The following RAMP1 variants were observed in gnomAD, a reference collection of about 807,000 sequenced individuals.
RAMP1 encodes the protein receptor activity modifying protein 1, also known as receptor activity-modifying protein 1.
In RAMP1, 7 loss-of-function variants were observed where a neutral mutation model predicts 8.2. The observed-to-expected ratio is 0.85, with a 90% CI of 0.49 to 1.60. RAMP1 has a LOEUF of 1.60. RAMP1 is among the 40% of genes most tolerant of loss of function. The pLI is 0.00. For synonymous variants in RAMP1, 92 were observed against 84.7 expected, an observed-to-expected ratio of 1.09 and a Z score of -0.47; for missense variants, 192 against 202.4, an observed-to-expected ratio of 0.95 and a Z score of 0.31.
chr2:237,877,656 G>T lies in RAMP1; in HGVS notation c.191+294G>T, dbSNP rs144630049. On this transcript the variant is annotated intron_variant, in intron 2 of 2. Transcript: ENST00000254661. The surrounding 1 kb of genome is among the most constrained non-coding windows in gnomAD (Gnocchi z 4.4). ...CGGCCTCTCCAAGGGCAGGCGCCTG[G>T]GGAATGACTGAGAGTAGGGTCTCAT... Among the ~76,000 whole-genome samples, 204 of 152,276 alleles carry T rather than the reference G, an allele frequency of 1.3e-3. 1 individual carries two copies. The highest frequency in any genetic ancestry group is 3.3e-3 in the Admixed American group (51 of 15,306).
chr2:237,871,535 T>G (rs2062245107), intron 1 of RAMP1, among the ~76,000 whole-genome samples: 1 of 152,102 alleles, frequency 6.6e-6, no homozygotes, highest in East Asian at 1.9e-4. Flanking sequence ...GAGAGCTAGA[T>G]GTCAGGGAGG....
At chr2:237,887,995 G>T (rs777924143) in intron 2 of RAMP1, among the ~76,000 whole-genome samples, 13 of 150,160 alleles carry the variant, frequency 8.7e-5, no homozygotes, top group Non-Finnish European at 1.8e-4. Context: ...AGACATTCCT[G>T]GGAGAAATAA....
chr2:237,882,059 T>C (rs900715889), intron 2 of RAMP1, among the ~76,000 whole-genome samples: 1 of 152,232 alleles, frequency 6.6e-6, no homozygotes, highest in Admixed American at 6.5e-5. Context: ...TATTCCAGTT[T>C]ATTCTTGTGT....
chr2:237,911,001 TAGTCACAC>T (rs946376790), intron 2 of RAMP1, among the ~76,000 whole-genome samples: 106 of 149,046 alleles, frequency 7.1e-4, no homozygotes, highest in African/African-American at 2.5e-3. Context: ...ACACAGAAAA[TAGTCACAC>T]ACACGGTCAC....
chr2:237,895,729 C>T (rs559765059), intron 2 of RAMP1, among the ~76,000 whole-genome samples: 67 of 220 alleles, frequency 0.3, no homozygotes, highest in East Asian at 0.47. Flanking sequence ...TGCTTTGGGC[C>T]GGCTGGCTGG....
intron 2 of RAMP1, among the ~76,000 whole-genome samples, chr2:237,902,285 A>AGGGATC (rs1247406311): frequency 7.9e-4 from 68 of 86,278 alleles, no homozygotes; most frequent in African/African-American, 2.8e-3. Flanking sequence ...AGGGGTAAGG[A>AGGGATC]GGGATCGGGA....
intron 2 of RAMP1, among the ~76,000 whole-genome samples, chr2:237,886,031 A>G (rs1488912430): frequency 2.6e-5 from 4 of 152,194 alleles, no homozygotes; most frequent in African/African-American, 9.6e-5. Flanking sequence ...TGGCTGTGCC[A>G]GGAAAGACAT....
intron 1 of RAMP1, 68 bp downstream of exon 1, chr2:237,859,795 G>A: frequency 7.7e-6 from 10 of 1,294,074 alleles, no homozygotes; most frequent in East Asian, 3.2e-5. Context: ...TAGGGGAGAG[G>A]AGGGGAGCGG....
intron 1 of RAMP1, chr2:237,874,805 C>A (rs1378026114): frequency 2.9e-6 from 2 of 690,656 alleles, no homozygotes; most frequent in Non-Finnish European, 3.6e-6. Flanking sequence ...GAGAGGGCAG[C>A]CAAGAGGGTT....
Position 237,865,545 on chromosome 2 carries a change from G to C in RAMP1, c.52+5818G>C, listed in dbSNP as rs1423721084. On this transcript the variant is annotated intron_variant, in intron 1 of 2. Coordinates refer to ENST00000254661, the MANE Select transcript of RAMP1 (RefSeq NM_005855.4). The surrounding 1 kb of genome is among the most constrained non-coding windows in gnomAD (Gnocchi z 4.2). ...GATTTCGCAGGGCCTCCTGTCATTTGCTGCACCTGGCAGCCCCGTCCTCAG... is the reference window on the plus strand; with the variant it reads ...GATTTCGCAGGGCCTCCTGTCATTTCCTGCACCTGGCAGCCCCGTCCTCAG... 6.6e-6 allele frequency among the ~76,000 whole-genome samples: 1 copy of C among 152,154 alleles called. No individual in the cohort carries two copies. The highest frequency in any genetic ancestry group is 2.4e-5 in the African/African-American group (1 of 41,420).
rs1397326697 is a variant in RAMP1 at position 237,900,023 on chromosome 2, T to A, written c.192-11505T>A. Among the ~76,000 whole-genome samples the A allele has an allele frequency of 2.0e-5, 3 of 152,204 alleles. No homozygotes were observed. In the South Asian group the frequency reaches 6.2e-4, roughly 31 times the overall value. On this transcript the variant is annotated intron_variant, in intron 2 of 2. Transcript: ENST00000254661. ...TTTTCTTCTTGGAATTCCTCCTTTT[T>A]AAGTCGATATTTGATAGTTTATAAT...
At chr2:237,903,228 T>G (rs2062623190) in intron 2 of RAMP1, among the ~76,000 whole-genome samples, 1 of 152,248 alleles carries the variant, frequency 6.6e-6, no homozygotes, top group South Asian at 2.1e-4. Context: ...AACAGCTACA[T>G]AATGGAGCCA....
chr2:237,910,816 GAAT>G (rs1003663780), intron 2 of RAMP1, among the ~76,000 whole-genome samples: 20 of 149,574 alleles, frequency 1.3e-4, no homozygotes, highest in African/African-American at 4.5e-4. Flanking sequence ...GTCACAAAGA[GAAT>G]AATAGTCACA....
chr2:237,872,601 C>T (rs772978932), intron 1 of RAMP1, among the ~76,000 whole-genome samples: 46 of 152,320 alleles, frequency 3.0e-4, no homozygotes, highest in East Asian at 1.9e-4. Flanking sequence ...ATGCCTCCTA[C>T]GTGTTCTGAG....
intron 1 of RAMP1, among the ~76,000 whole-genome samples, chr2:237,872,963 C>A (rs2062261806): frequency 1.3e-5 from 2 of 152,214 alleles, no homozygotes; most frequent in Non-Finnish European, 1.5e-5. Flanking sequence ...CAAGACTCTG[C>A]AGTAAGCCAT....
chr2:237,867,542 GC>G (rs1233763513), intron 1 of RAMP1, among the ~76,000 whole-genome samples: 1 of 152,248 alleles, frequency 6.6e-6, no homozygotes, highest in Non-Finnish European at 1.5e-5. Flanking sequence ...TGTAAAGTAA[GC>G]TTTTGTCCTG....
intron 2 of RAMP1, among the ~76,000 whole-genome samples, chr2:237,910,109 G>C (rs1320184624): frequency 6.6e-6 from 1 of 152,082 alleles, no homozygotes; most frequent in Non-Finnish European, 1.5e-5. Context: ...AGGCCCTGTG[G>C]TGAAGTCCAT....
chr2:237,905,743 G>A (rs1295120669), intron 2 of RAMP1, among the ~76,000 whole-genome samples: 1 of 152,192 alleles, frequency 6.6e-6, no homozygotes, highest in African/African-American at 2.4e-5. Context: ...AGATGCAGTG[G>A]CTCACGCCTG....
rs1576540159 is a variant in RAMP1, at chr2:237,877,207, G to A, written c.53-17G>A. 6.2e-7 allele frequency: 1 copy of A among 1,613,548 alleles called. No homozygotes were observed. Among genetic ancestry groups the A allele is most frequent in the East Asian group, 2.2e-5 (1 of 44,872 alleles). On this transcript the variant is annotated splice_polypyrimidine_tract_variant and intron_variant, in intron 1 of 2. Coordinates refer to ENST00000254661, the MANE Select transcript of RAMP1 (RefSeq NM_005855.4). The surrounding 1 kb of genome is among the most constrained non-coding windows in gnomAD (Gnocchi z 4.4). Reference sequence around the variant, plus strand: ...CTGCTGCCGCCCGCCATCTCTTCATGGCCGTGTCTATTTCAGCCCATCACC... The same window carrying A: ...CTGCTGCCGCCCGCCATCTCTTCATAGCCGTGTCTATTTCAGCCCATCACC...
Sources: allele counts gnomAD v4.1 joint callset (sites outside exome capture counted in the v4.1 genomes callset), GRCh38; gene constraint gnomAD v4.1.1; non-coding constraint Gnocchi (gnomAD v3.1); transcripts MANE v1.5; gene names NCBI Gene and HGNC (gene_info 2026-07-23, HGNC 2026-07-21).